COA1: variants seen among roughly 807,000 people sequenced by gnomAD.
COA1 encodes the protein cytochrome c oxidase assembly factor 1 homolog.
COA1 carries 13 observed loss-of-function variants against 16.0 expected under a neutral mutation model. That is an observed-to-expected ratio of 0.81 (90% CI 0.53 to 1.29). The LOEUF (loss-of-function observed/expected upper bound fraction) is 1.29. Ranked by LOEUF, COA1 falls within the 50% of genes most tolerant of loss-of-function variation. The pLI, the probability that COA1 is intolerant of heterozygous loss-of-function variation, is 0.00. For missense variants in COA1, 179 were observed against 177.0 expected (o/e 1.01, Z -0.06); for synonymous variants, 65 against 65.7 (o/e 0.99, Z 0.05).
intron 6 of COA1, chr7:43,619,866 A>AT (rs1444261337): frequency 8.6e-7 from 1 of 1,159,842 alleles, no homozygotes; most frequent in Non-Finnish European, 1.2e-6. Context: ...TTTGGATTAC[A>AT]TTTTACAATG....
At chr7:43,662,387 G>A (rs981161696) in intron 1 of COA1, among the ~76,000 whole-genome samples, 5 of 152,120 alleles carry the variant, frequency 3.3e-5, no homozygotes, top group African/African-American at 7.2e-5. Flanking sequence ...CTGCCACCAC[G>A]CCCAGCTAAA....
intron 1 of COA1, among the ~76,000 whole-genome samples, chr7:43,655,867 G>A: frequency 6.6e-6 from 1 of 152,156 alleles, no homozygotes; most frequent in African/African-American, 2.4e-5. Flanking sequence ...GCACTCTTGG[G>A]AAGCCTAAGC....
At chr7:43,704,050 G>T (rs748242525) in intron 1 of COA1, among the ~76,000 whole-genome samples, 2 of 152,136 alleles carry the variant, frequency 1.3e-5, no homozygotes, top group African/African-American at 2.4e-5. Flanking sequence ...TGCCTGAAAA[G>T]GATTTTATTT....
At chr7:43,700,651 A>T (rs930510316) in intron 1 of COA1, among the ~76,000 whole-genome samples, 1 of 150,756 alleles carries the variant, frequency 6.6e-6, no homozygotes, top group East Asian at 1.9e-4. Flanking sequence ...CTACTTTAAT[A>T]TTCAATGCTC....
At chr7:43,619,693 C>T (rs149915695) in intron 6 of COA1, 41 of 1,613,650 alleles carry the variant, frequency 2.5e-5, no homozygotes, top group Admixed American at 8.3e-5. Context: ...TGAAGAGCTC[C>T]GAGAAATTAT....
chr7:43,692,610 TATTAGAA>T (rs1426236661), intron 1 of COA1, among the ~76,000 whole-genome samples: 4 of 152,336 alleles, frequency 2.6e-5, no homozygotes, highest in African/African-American at 9.6e-5. Flanking sequence ...AACTTCTGGC[TATTAGAA>T]ATGTTCTCAT....
intron 3 of COA1, chr7:43,647,011 T>G (rs1382858510): frequency 1.8e-5 from 3 of 169,330 alleles, no homozygotes; most frequent in Non-Finnish European, 3.9e-5. Context: ...AAATTCAAAT[T>G]TGAGTGCAGT....
At chr7:43,613,819 G>A (rs2083093377) in intron 6 of COA1, among the ~76,000 whole-genome samples, 1 of 152,090 alleles carries the variant, frequency 6.6e-6, no homozygotes, top group Admixed American at 6.5e-5. Flanking sequence ...TTCCAGCCTG[G>A]GGAACAGAGT....
At chr7:43,697,055 C>A (rs2094551517) in intron 1 of COA1, among the ~76,000 whole-genome samples, 1 of 151,500 alleles carries the variant, frequency 6.6e-6, no homozygotes, top group Non-Finnish European at 1.5e-5. Context: ...ACCCAGGAGA[C>A]AGAGGCTGCA....
At chr7:43,685,410 T>C (rs2093978613) in intron 1 of COA1, among the ~76,000 whole-genome samples, 1 of 152,300 alleles carries the variant, frequency 6.6e-6, no homozygotes, top group African/African-American at 2.4e-5. Flanking sequence ...CAACACAAGA[T>C]CTACATGCTT....
At chr7:43,685,838 G>A (rs970838598) in intron 1 of COA1, among the ~76,000 whole-genome samples, 1 of 152,116 alleles carries the variant, frequency 6.6e-6, no homozygotes, top group Non-Finnish European at 1.5e-5. Flanking sequence ...TCCCCATTAA[G>A]AGTTCCTCCA....
At chr7:43,653,010 T>C (rs1307448369) in intron 1 of COA1, among the ~76,000 whole-genome samples, 1 of 152,074 alleles carries the variant, frequency 6.6e-6, no homozygotes, top group African/African-American at 2.4e-5. Context: ...AAAATAAAGA[T>C]TAAAACTTTG....
intron 6 of COA1, among the ~76,000 whole-genome samples, chr7:43,612,718 T>C (rs1241989169): frequency 1.3e-5 from 2 of 152,162 alleles, no homozygotes; most frequent in Admixed American, 1.3e-4. Context: ...CTGCTTAGCT[T>C]TGGTGCAGAG....
Position 43,639,694 on chromosome 7 carries a change from A to G in COA1, c.342-13T>C, listed in dbSNP as rs1040481152. 11 of 1,600,544 alleles carry G rather than the reference A, an allele frequency of 6.9e-6. No individual in the cohort carries two copies. The highest frequency in any genetic ancestry group is 2.7e-5 in the African/African-American group (2 of 74,650). ...GTCAAGGTGCCACCTGAGAGAAACCAAAAGTATAGTATCTCTAATCTATGA... is the reference window on the plus strand; with the variant it reads ...GTCAAGGTGCCACCTGAGAGAAACCGAAAGTATAGTATCTCTAATCTATGA... On this transcript the variant is annotated splice_polypyrimidine_tract_variant and intron_variant, in intron 5 of 5. Transcript: ENST00000223336.
chr7:43,633,876 G>T (rs1017526854), intron 6 of COA1, among the ~76,000 whole-genome samples: 4 of 151,774 alleles, frequency 2.6e-5, no homozygotes, highest in African/African-American at 7.3e-5. Context: ...TCAAATGTTA[G>T]GTCTTTAGCT....
At chr7:43,692,523 AC>A (rs1269840627) in intron 1 of COA1, among the ~76,000 whole-genome samples, 1 of 152,038 alleles carries the variant, frequency 6.6e-6, no homozygotes, top group Non-Finnish European at 1.5e-5. Context: ...GTCTTAAAAA[AC>A]AAAACAACAA....
At chr7:43,628,789 T>C (rs953424894) in intron 6 of COA1, among the ~76,000 whole-genome samples, 1 of 152,234 alleles carries the variant, frequency 6.6e-6, no homozygotes, top group African/African-American at 2.4e-5. Context: ...CAGATTTATG[T>C]GTCACATATC....
chr7:43,644,748 A>AGATT (rs1554501247), intron 4 of COA1, among the ~76,000 whole-genome samples: 1 of 90,284 alleles, frequency 1.1e-5, no homozygotes, highest in African/African-American at 3.9e-5. Flanking sequence ...ATAGATAGAT[A>AGATT]GATAGATAGA....
chr7:43,660,470 A>C (rs756874263), intron 1 of COA1, among the ~76,000 whole-genome samples: 4 of 152,188 alleles, frequency 2.6e-5, no homozygotes, highest in African/African-American at 7.2e-5. Flanking sequence ...ACATGCAAGA[A>C]AGAGCTTTGC....
Sources: gnomAD v4.1 joint callset for allele counts (sites outside exome capture counted in the v4.1 genomes callset) on GRCh38, gnomAD v4.1.1 for gene constraint, MANE v1.5 for transcripts, NCBI Gene and HGNC (gene_info 2026-07-23, HGNC 2026-07-21) for gene names.